Variants in ZNF33B observed in about 807,000 individuals in gnomAD.
ZNF33B encodes zinc finger protein 33B.
In ZNF33B, 29 loss-of-function variants were observed where a neutral mutation model predicts 45.8. The observed-to-expected ratio is 0.63, with a 90% CI of 0.47 to 0.86. The LOEUF is 0.86. Ranked by LOEUF, ZNF33B falls within the 40% of genes least tolerant of loss-of-function variation. The pLI is 0.00. For missense variants in ZNF33B, 831 were observed against 909.9 expected (o/e 0.91, Z 1.12); for synonymous variants, 305 against 307.8 (o/e 0.99, Z 0.10).
Position 42,632,308 on chromosome 10 carries a change from G to A in ZNF33B, c.141C>T (p.Asn47=). 6.2e-7 allele frequency: 1 copy of A among 1,601,214 alleles called. No individual in the cohort carries two copies. The highest frequency in any genetic ancestry group is 8.5e-7 in the Non-Finnish European group (1 of 1,175,834). Residue 47 remains asparagine, a synonymous_variant, in exon 3 of 5, where the codon AAC becomes AAT. Coordinates refer to ENST00000359467, the MANE Select transcript of ZNF33B (RefSeq NM_006955.3). ...AACAGACCTTACCCACTGAGACAAG[G>A]TTGCTGTAGTTCTCCAGCATCACAT... The part of the protein sequence containing the change: ...YRDVMLENYS[N]LVSVGYCAHK...
rs1395600740 is a variant in ZNF33B, at chr10:42,631,892, C to T, written c.250+37G>A. On this transcript the variant is annotated intron_variant, in intron 4 of 4. Transcript: ENST00000359467. ...AATTAACTACTGGGAAACAACAAAT[C>T]CCCTGATGTGAATCTGTGCAGTACA... 4.5e-6 allele frequency: 7 copies of T among 1,547,350 alleles called. No individual in the cohort carries two copies. The African/African-American group carries it at 9.5e-5, about 21-fold the overall frequency.
intron 1 of ZNF33B, among the ~76,000 whole-genome samples, chr10:42,575,585 A>G (rs940509741): frequency 3.3e-5 from 5 of 152,000 alleles, no homozygotes; most frequent in African/African-American, 1.2e-4. Context: ...TATGCCCCTA[A>G]TATTTCCACA....
At chr10:42,602,840 C>A (rs773711077) in intron 4 of ZNF33B, among the ~76,000 whole-genome samples, 2 of 146,770 alleles carry the variant, frequency 1.4e-5, no homozygotes, top group African/African-American at 4.9e-5. Context: ...TTATTTCACT[C>A]ATTTCCTCAT....
intron 4 of ZNF33B, among the ~76,000 whole-genome samples, chr10:42,623,459 G>A (rs1020693155): frequency 7.2e-5 from 11 of 152,276 alleles, no homozygotes; most frequent in Middle Eastern, 3.4e-3. Context: ...AAAGGTGTAC[G>A]ACCCAAGTGT....
intron 4 of ZNF33B, among the ~76,000 whole-genome samples, chr10:42,606,223 G>A (rs576318505): frequency 5.5e-4 from 83 of 152,200 alleles, no homozygotes; most frequent in South Asian, 4.8e-3. Context: ...CCAGCACTTC[G>A]GGAGGCCAAG....
intron 4 of ZNF33B, among the ~76,000 whole-genome samples, chr10:42,610,581 A>G (rs1331841738): frequency 2.0e-5 from 3 of 152,240 alleles, no homozygotes; most frequent in African/African-American, 7.2e-5. Flanking sequence ...AATAGCATCA[A>G]AAAGAATAAA....
In ZNF33B at chr10:42,592,668, T is replaced by C; in HGVS notation, c.2282A>G (p.Lys761Arg). 6.2e-7 allele frequency: 1 copy of C among 1,614,052 alleles called. No individual in the cohort carries two copies. The highest frequency in any genetic ancestry group is 8.5e-7 in the Non-Finnish European group (1 of 1,179,926). The change falls in exon 5 of 5, where the codon AAG becomes AGG. Residue 761 changes from lysine to arginine, a missense_variant. Physicochemically the swap from Lys to Arg is conservative, Grantham distance 26 (BLOSUM62 2). Transcript: ENST00000359467. ...TCTCTGATGTACAATGAGATTTGAC[T>C]TTTGAGAGAAGGTTTTCCTGCATGT... ...CNTCRKTFSQKSNLIVHQRTH... is the reference protein window; with the variant it reads ...CNTCRKTFSQRSNLIVHQRTH...
Position 42,576,558 on chromosome 10 carries a change from C to A in ZNF33B, c.74-1880G>T, listed in dbSNP as rs187882265. 1.3e-4 allele frequency among the ~76,000 whole-genome samples: 20 copies of A among 152,206 alleles called. No homozygotes were observed. In the East Asian group the frequency reaches 2.1e-3, roughly 16 times the overall value. ...CATGAGAAACAATCTGTCACCCACA[C>A]CCACCAGTGCTTTCATGCCTGAGTC... On this transcript the variant is annotated intron_variant, in intron 1 of 1. Coordinates refer to the ZNF33B transcript ENST00000462075.
intron 4 of ZNF33B, among the ~76,000 whole-genome samples, chr10:42,626,574 G>C (rs2132144985): frequency 6.6e-6 from 1 of 152,144 alleles, no homozygotes; most frequent in South Asian, 2.1e-4. Flanking sequence ...TGTAGTCACA[G>C]CTACTCAGGA....
At chr10:42,611,611 G>A (rs1838098676) in intron 4 of ZNF33B, among the ~76,000 whole-genome samples, 1 of 152,136 alleles carries the variant, frequency 6.6e-6, no homozygotes, top group African/African-American at 2.4e-5. Context: ...TTCATGGAAT[G>A]AAAAACTCTT....
chr10:42,608,763 G>T (rs932352432), intron 4 of ZNF33B, among the ~76,000 whole-genome samples: 1 of 151,704 alleles, frequency 6.6e-6, no homozygotes, highest in Non-Finnish European at 1.5e-5. Context: ...GCAAGAAGAA[G>T]GCAGGAAGGA....
At chr10:42,621,159 CAAA>C (rs34634412) in intron 4 of ZNF33B, among the ~76,000 whole-genome samples, 90 of 126,722 alleles carry the variant, frequency 7.1e-4, no homozygotes, top group Admixed American at 6.5e-4. Context: ...CTGTTTCCAC[CAAA>C]AAAAAAAAAA....
Position 42,593,597 on chromosome 10 carries a change from A to G in ZNF33B, c.1353T>C (p.Cys451=), listed in dbSNP as rs1837249949. The G allele has an allele frequency of 6.2e-7, 1 of 1,613,472 alleles. No homozygotes were observed. Among genetic ancestry groups the G allele is most frequent in the South Asian group, 1.1e-5 (1 of 91,016 alleles). The change falls in exon 5 of 5, where the codon TGT becomes TGC. Residue 451 remains cysteine (C), a synonymous_variant. Transcript: ENST00000359467. ...GGTGTACTGTAAGGTGTGAATTCAT[A>G]CAGAAGGATTTTCCACATTCATAAC... is the stretch of plus-strand genomic sequence containing the variant. ...YECYECGKSF[C]MNSHLTVHQR...
intron 4 of ZNF33B, among the ~76,000 whole-genome samples, chr10:42,613,641 G>C (rs936648801): frequency 3.9e-5 from 6 of 152,208 alleles, no homozygotes; most frequent in Admixed American, 2.6e-4. Flanking sequence ...TGAAGCAAGG[G>C]AAGAAAGCTA....
At chr10:42,580,445 C>T (rs996293195) in intron 1 of ZNF33B, among the ~76,000 whole-genome samples, 2 of 151,780 alleles carry the variant, frequency 1.3e-5, no homozygotes, top group African/African-American at 4.8e-5. Flanking sequence ...GCCATGTTGG[C>T]CAGGCTGGTC....
rs1405239379 is a variant in ZNF33B, at chr10:42,590,316, A to AC, written c.*2296dup. The AC allele has an allele frequency of 6.6e-6, 1 of 152,124 alleles. No homozygotes were observed. Among genetic ancestry groups the AC allele is most frequent in the Non-Finnish European group, 1.5e-5 (1 of 68,014 alleles). The allele number at this position is 152,124 out of a possible 1,614,324, so 9.4% of individuals were successfully genotyped here. On this transcript the variant is annotated 3_prime_UTR_variant, in exon 5 of 5. Transcript: ENST00000359467. ...ACAGTACAGACTTGGTATCATTTCT[A>AC]CCTTAAGTATCTCGAAAAATGCACA...
chr10:42,636,307 T>C (rs1334415269), intron 2 of ZNF33B, among the ~76,000 whole-genome samples: 4 of 152,126 alleles, frequency 2.6e-5, no homozygotes, highest in African/African-American at 9.7e-5. Flanking sequence ...GGTCCCTATG[T>C]TATAACCAAA....
intron 4 of ZNF33B, among the ~76,000 whole-genome samples, chr10:42,606,908 AT>A (rs1837885556): frequency 1.3e-5 from 2 of 152,004 alleles, no homozygotes; most frequent in Non-Finnish European, 2.9e-5. Context: ...TTTTTTCCAA[AT>A]TTTGGAATAT....
At chr10:42,629,293 A>C (rs1589069830) in intron 4 of ZNF33B, among the ~76,000 whole-genome samples, 1 of 152,146 alleles carries the variant, frequency 6.6e-6, no homozygotes, top group Non-Finnish European at 1.5e-5. Flanking sequence ...AGAGGCTGGG[A>C]AAGGTGGTGG....
Sources: gnomAD v4.1 joint callset for allele counts (sites outside exome capture counted in the v4.1 genomes callset) on GRCh38, gnomAD v4.1.1 for gene constraint, MANE v1.5 for transcripts, NCBI Gene and HGNC (gene_info 2026-07-23, HGNC 2026-07-21) for gene names.